The following CES3 variants were observed in gnomAD, a reference collection of about 807,000 sequenced individuals.
CES3 encodes carboxylesterase 3.
A neutral mutation model predicts 57.6 loss-of-function variants in CES3; 49 were observed. That is an observed-to-expected ratio of 0.85 (90% confidence interval 0.68 to 1.08). The LOEUF (loss-of-function observed/expected upper bound fraction) is 1.08, where lower values mean the gene tolerates loss of function less well. CES3 is among the 50% of genes least tolerant of loss of function. The probability of loss-of-function intolerance (pLI) is 0.00; values close to 1 mark genes in which losing one functional copy is unlikely to be tolerated. For missense variants in CES3, 645 were observed against 742.0 expected (o/e 0.87, Z 1.52); for synonymous variants, 266 against 281.6 (o/e 0.94, Z 0.55).
chr16:66,967,590 C>G, intron 8 of CES3: 1 of 985,432 alleles, frequency 1.0e-6, no homozygotes. Context: ...GAACTTCCCA[C>G]AAGAGTGTCA....
In CES3 at chr16:66,966,841, T is replaced by C. The variant is rs765259943; in HGVS notation, c.1038T>C (p.His346=). ...CCTTCCTCATGGGTGTCAACAACCA[T>C]GAGTTCAGCTGGCTCATCCCCAGGG... ...SVPFLMGVNN[H]EFSWLIPRGW... Residue 346 remains histidine (H), a synonymous_variant, in exon 8 of 13, where the codon CAT becomes CAC. Coordinates refer to ENST00000303334, the MANE Select transcript of CES3 (RefSeq NM_024922.6). 6.2e-7 allele frequency: 1 copy of C among 1,614,072 alleles called. No individual in the cohort carries two copies. The highest frequency in any genetic ancestry group is 8.5e-7 in the Non-Finnish European group (1 of 1,180,016).
rs558853441 is a variant in CES3 at position 66,961,452 on chromosome 16, G to A, written c.82+63G>A. ...GTGGAGGAGTCAAGAGTGAGACAGGGACAGGGAGCAGTGGGCCGACCGCTC... is the reference window on the plus strand; with the variant it reads ...GTGGAGGAGTCAAGAGTGAGACAGGAACAGGGAGCAGTGGGCCGACCGCTC... On this transcript the variant is annotated intron_variant, in intron 1 of 12. Transcript: ENST00000303334. The A allele has an allele frequency of 5.7e-6, 8 of 1,399,540 alleles. No individual in the cohort carries two copies. The East Asian group carries it at 1.9e-4, about 33-fold the overall frequency. The allele number at this position is 1,399,540 out of a possible 1,614,324, so 86.7% of individuals were successfully genotyped here. A position where few individuals can be genotyped will look rare whatever the true frequency, so the allele number is the denominator to read the frequency against.
At chr16:66,968,963 G>A (rs532437141) in intron 8 of CES3, among the ~76,000 whole-genome samples, 75 of 152,246 alleles carry the variant, frequency 4.9e-4, no homozygotes, top group African/African-American at 1.6e-3. Context: ...CTCAACTCTG[G>A]CAGGCAGCCT....
At chr16:66,964,924 A>G (rs905674651) in intron 6 of CES3, among the ~76,000 whole-genome samples, 197 bp downstream of exon 6, 8 of 152,180 alleles carry the variant, frequency 5.3e-5, no homozygotes, top group Admixed American at 1.3e-4. Flanking sequence ...GGCTTCCTGA[A>G]GGAAGCCACC....
intron 8 of CES3, chr16:66,967,607 T>C (rs375016956): frequency 1.0e-6 from 1 of 985,300 alleles, no homozygotes; most frequent in African/African-American, 1.7e-5. Flanking sequence ...GTCAGCACTG[T>C]GCTTTCATCC....
At position 66,968,268 on chromosome 16, in the gene CES3, G is replaced by A. The variant is rs530233229; in HGVS notation, c.1062+1403G>A. On this transcript the variant is annotated intron_variant, in intron 8 of 12. Transcript: ENST00000303334. ...CAACCTCTGCCTCCCAGGTTCAAGC[G>A]ATTCTCCTGCCTCAGCCTCCTGAGT... is the stretch of plus-strand genomic sequence containing the variant. 1.9e-3 allele frequency among the ~76,000 whole-genome samples: 291 copies of A among 152,160 alleles called. 1 individual carries two copies. Among genetic ancestry groups the A allele is most frequent in the African/African-American group, 6.7e-3 (280 of 41,528 alleles).
At position 66,964,206 on chromosome 16, in the gene CES3, C is replaced by G. The variant is rs922185268; in HGVS notation, c.561-151C>G. ...CAGCAGGATATGGGACAAAGAGCAA[C>G]AGGCTGTGGAGATGCCAACCACGGC... On this transcript the variant is annotated intron_variant, in intron 4 of 12. Transcript: ENST00000303334. 2.7e-6 allele frequency: 3 copies of G among 1,107,684 alleles called. No homozygotes were observed. The African/African-American group carries it at 4.7e-5, about 17-fold the overall frequency. 68.6% of individuals were successfully genotyped at this position (1,107,684 alleles called of 1,614,324 possible).
intron 6 of CES3, 91 bp downstream of exon 6, chr16:66,964,818 G>A: frequency 1.0e-6 from 1 of 963,012 alleles, no homozygotes; most frequent in Non-Finnish European, 1.5e-6. Context: ...GGGGTTTGCT[G>A]GCAGGGAGCT....
chr16:66,966,113 C>T (rs1963725677), intron 6 of CES3, 131 bp from the exon 7 acceptor site: 5 of 771,682 alleles, frequency 6.5e-6, no homozygotes, highest in Non-Finnish European at 1.0e-5. Context: ...AAGTCTGTGA[C>T]CAGTCTCGAG....
rs1187827707 is a variant in CES3, at chr16:66,963,208, A to T, written c.112A>T (p.Thr38Ser). ...CGAAGTTGCTCAGCCTGAAGTAGAC[A>T]CCACCCTGGGTCGTGTGCGAGGCCG... is the stretch of plus-strand genomic sequence containing the variant. ...GPEVAQPEVD[T>S]TLGRVRGRQV... The change falls in exon 2 of 13, where the codon ACC becomes TCC. Residue 38 changes from threonine to serine, a missense_variant. Transcript: ENST00000303334. This position sits in a 1 kb window ranked among gnomAD's most constrained non-coding sequence, Gnocchi z 4.9. 6.2e-7 allele frequency: 1 copy of T among 1,614,138 alleles called. No individual in the cohort carries two copies. Among genetic ancestry groups the T allele is most frequent in the Admixed American group, 1.7e-5 (1 of 60,020 alleles).
At chr16:66,965,843 G>A (rs1414402399) in intron 6 of CES3, among the ~76,000 whole-genome samples, 1 of 152,188 alleles carries the variant, frequency 6.6e-6, no homozygotes, top group Admixed American at 6.5e-5. Flanking sequence ...AGGAGGCTGA[G>A]GCAGAAGAAT....
At position 66,966,736 on chromosome 16, in the gene CES3, C is replaced by T; in HGVS notation, c.933C>T (p.Ile311=). Residue 311 remains isoleucine, a synonymous_variant, in exon 8 of 13, where the codon ATC becomes ATT. Coordinates refer to ENST00000303334, the MANE Select transcript of CES3 (RefSeq NM_024922.6). ...LVLSKKLKNT[I]YPLTVDGTVF... ...GCTTTCTCCTGCAGAAAAATACTAT[C>T]TATCCTCTCACCGTTGATGGCACTG... The T allele has an allele frequency of 1.9e-6, 3 of 1,614,124 alleles. No individual in the cohort carries two copies. Among genetic ancestry groups the T allele is most frequent in the Non-Finnish European group, 2.5e-6 (3 of 1,180,032 alleles).
chr16:66,971,292 A>G lies in CES3; in HGVS notation c.1264A>G (p.Thr422Ala). 1 of 1,613,762 alleles carries G rather than the reference A, an allele frequency of 6.2e-7. No homozygotes were observed. Reference sequence around the variant, plus strand: ...GGGTGACGTATTCATCAATGTTCCCACCGTCAGTTTTTCAAGATACCTTCG... The same window carrying G: ...GGGTGACGTATTCATCAATGTTCCCGCCGTCAGTTTTTCAAGATACCTTCG... ...FMGDVFINVP[T>A]VSFSRYLRDS... Residue 422 changes from threonine (T) to alanine (A), a missense_variant, in exon 10 of 13, where the codon ACC becomes GCC. Thr to Ala is a moderately conservative substitution (Grantham distance 58). Coordinates refer to ENST00000303334, the MANE Select transcript of CES3 (RefSeq NM_024922.6).
Position 66,974,164 on chromosome 16 carries a change from G to A in CES3, c.*1115G>A. The A allele has an allele frequency of 6.5e-6, 1 of 152,956 alleles. No individual in the cohort carries two copies. The highest frequency in any genetic ancestry group is 1.5e-5 in the Non-Finnish European group (1 of 68,520). The allele number at this position is 152,956 out of a possible 1,614,324, so 9.5% of individuals were successfully genotyped here. On this transcript the variant is annotated 3_prime_UTR_variant, in exon 13 of 13. Coordinates refer to ENST00000303334, the MANE Select transcript of CES3 (RefSeq NM_024922.6). ...TGCTCTCCCTGCCGCCTCTGCCTGGGCTCCCACTTTGGCAGCACTTGAGGA... is the reference window on the plus strand; with the variant it reads ...TGCTCTCCCTGCCGCCTCTGCCTGGACTCCCACTTTGGCAGCACTTGAGGA...
chr16:66,966,995 G>A, intron 8 of CES3, 130 bp downstream of exon 8: 1 of 1,160,222 alleles, frequency 8.6e-7, no homozygotes, highest in Non-Finnish European at 1.2e-6. Flanking sequence ...GAAAGCAGAG[G>A]CCCAGAAAGG....
chr16:66,969,873 T>A (rs1597023406), intron 9 of CES3, 114 bp downstream of exon 9: 1 of 854,560 alleles, frequency 1.2e-6, no homozygotes, highest in Non-Finnish European at 1.9e-6. Context: ...GCTACCCACC[T>A]ACCACCAAGC....
intron 9 of CES3, 63 bp from the exon 10 acceptor site, chr16:66,971,109 T>A: frequency 1.3e-6 from 2 of 1,540,872 alleles, no homozygotes; most frequent in Non-Finnish European, 1.8e-6. Context: ...GTTTGGGGCT[T>A]CCTGGGATGG....
intron 10 of CES3, among the ~76,000 whole-genome samples, chr16:66,971,823 T>C (rs549101529): frequency 2.1e-4 from 32 of 152,276 alleles, no homozygotes; most frequent in African/African-American, 7.7e-4. Context: ...ACAGAATCTA[T>C]TGTGATGGGG....
chr16:66,967,838 T>G, intron 8 of CES3: 1 of 859,588 alleles, frequency 1.2e-6, no homozygotes. Flanking sequence ...CATGACTCTC[T>G]ACTGCCTCAA....
Sources: gnomAD v4.1 joint callset for allele counts (sites outside exome capture counted in the v4.1 genomes callset) on GRCh38, gnomAD v4.1.1 for gene constraint, Gnocchi (gnomAD v3.1) non-coding constraint, MANE v1.5 for transcripts, NCBI Gene and HGNC (gene_info 2026-07-23, HGNC 2026-07-21) for gene names.